The following APBB2 variants were observed in gnomAD, a reference collection of about 807,000 sequenced individuals.
APBB2 encodes the protein Fe65-like 1.
A neutral mutation model predicts 82.5 loss-of-function variants in APBB2; 38 were observed. The ratio of observed to expected loss-of-function variants is 0.46; its 90% CI spans 0.36 to 0.60. The LOEUF (loss-of-function observed/expected upper bound fraction) is 0.60, where lower values mean the gene tolerates loss of function less well. Ranked by LOEUF, APBB2 falls within the 20% of genes least tolerant of loss-of-function variation. APBB2 has a pLI of 0.00. For synonymous variants in APBB2, 341 were observed against 368.2 expected, an observed-to-expected ratio of 0.93 and a Z score of 0.85; for missense variants, 772 against 972.3, an observed-to-expected ratio of 0.79 and a Z score of 2.74.
rs1768110705 is a variant in APBB2 at position 40,880,323 on chromosome 4, TA to T, written c.1529+10040del. The T allele has an allele frequency of 6.1e-6, 6 of 985,456 alleles. No homozygotes were observed. The South Asian group carries it at 2.8e-4, about 46-fold the overall frequency. The allele number at this position is 985,456 out of a possible 1,614,324, so 61.0% of individuals were successfully genotyped here. A position where few individuals can be genotyped will look rare whatever the true frequency, so the allele number is the denominator to read the frequency against. On this transcript the variant is annotated intron_variant, in intron 12 of 17. Transcript: ENST00000508593. The stretch of plus-strand genomic sequence containing the variant: ...TTCCCAGTGACGAACTGTGCTGCAC[TA>T]AATTCATAGTCACTGGACTCCCCAG...
chr4:41,122,263 T>C (rs974775866), intron 2 of APBB2, among the ~76,000 whole-genome samples: 2 of 152,184 alleles, frequency 1.3e-5, no homozygotes, highest in African/African-American at 2.4e-5. Flanking sequence ...ACAATGACAC[T>C]TGAGGACAGT....
chr4:41,048,186 C>T (rs1281353872), intron 4 of APBB2, among the ~76,000 whole-genome samples: 1 of 152,204 alleles, frequency 6.6e-6, no homozygotes, highest in East Asian at 1.9e-4. Flanking sequence ...ATCCAAAAGG[C>T]TCCAATGAGC....
chr4:40,877,583 T>C (rs1046321561), intron 12 of APBB2, among the ~76,000 whole-genome samples: 1 of 152,186 alleles, frequency 6.6e-6, no homozygotes, highest in Non-Finnish European at 1.5e-5. Flanking sequence ...CTTTGAAAAA[T>C]GGCATTAATG....
At chr4:40,955,495 T>G (rs1791372695) in intron 6 of APBB2, among the ~76,000 whole-genome samples, 1 of 152,274 alleles carries the variant, frequency 6.6e-6, no homozygotes, top group East Asian at 1.9e-4. Flanking sequence ...GTTCCCATTC[T>G]TGAAGGGATC....
intron 12 of APBB2, among the ~76,000 whole-genome samples, chr4:40,888,743 C>T (rs142062103): frequency 3.3e-5 from 5 of 151,792 alleles, no homozygotes; most frequent in East Asian, 3.9e-4. Context: ...GCTCCTGCCT[C>T]GCACACATAT....
chr4:40,946,564 G>A (rs562840855), intron 6 of APBB2, among the ~76,000 whole-genome samples: 3 of 152,144 alleles, frequency 2.0e-5, no homozygotes, highest in Admixed American at 6.5e-5. Flanking sequence ...GCCTTGAGTT[G>A]ACTAGGAAAT....
At chr4:41,015,498 A>G (rs1809652677) in intron 5 of APBB2, among the ~76,000 whole-genome samples, 2 of 152,250 alleles carry the variant, frequency 1.3e-5, no homozygotes, top group Admixed American at 6.5e-5. Flanking sequence ...CAGGCAAAAC[A>G]GGGATCTTTG....
At chr4:41,135,296 C>T (rs1472966440) in intron 2 of APBB2, among the ~76,000 whole-genome samples, 3 of 152,134 alleles carry the variant, frequency 2.0e-5, no homozygotes, top group Non-Finnish European at 2.9e-5. Flanking sequence ...ATTCTTTCAT[C>T]CTTAAAGACA....
chr4:40,938,783 C>A (rs752437684), intron 7 of APBB2, among the ~76,000 whole-genome samples: 7 of 152,192 alleles, frequency 4.6e-5, no homozygotes, highest in Non-Finnish European at 1.0e-4. Flanking sequence ...AAAATCATAT[C>A]ATCTCTGTGT....
chr4:41,002,552 G>C (rs890472076), intron 6 of APBB2, among the ~76,000 whole-genome samples: 2 of 152,232 alleles, frequency 1.3e-5, no homozygotes, highest in African/African-American at 4.8e-5. Flanking sequence ...TTGATAGTGG[G>C]AGCAGGGGGC....
intron 12 of APBB2, among the ~76,000 whole-genome samples, chr4:40,876,502 G>A (rs1395194403): frequency 1.3e-5 from 2 of 152,020 alleles, no homozygotes; most frequent in Admixed American, 1.3e-4. Context: ...CACAATTATT[G>A]TGAGATTCAG....
chr4:41,189,893 C>T (rs1773937138), intron 1 of APBB2, among the ~76,000 whole-genome samples: 1 of 152,206 alleles, frequency 6.6e-6, no homozygotes, highest in African/African-American at 2.4e-5. Context: ...GGCCCATTCT[C>T]TTTTGTCTCC....
chr4:41,167,582 T>G (rs1321295942), intron 1 of APBB2, among the ~76,000 whole-genome samples: 1 of 152,216 alleles, frequency 6.6e-6, no homozygotes, highest in Non-Finnish European at 1.5e-5. Context: ...TATGCATATT[T>G]TATTAATCTA....
intron 1 of APBB2, among the ~76,000 whole-genome samples, chr4:41,183,926 G>T (rs1055744751): frequency 1.3e-5 from 2 of 151,938 alleles, no homozygotes; most frequent in African/African-American, 4.8e-5. Flanking sequence ...AATTTATAAT[G>T]AAATAATTAT....
At chr4:41,129,802 T>A (rs940983045) in intron 2 of APBB2, among the ~76,000 whole-genome samples, 3 of 151,324 alleles carry the variant, frequency 2.0e-5, no homozygotes, top group African/African-American at 7.3e-5. Flanking sequence ...TATAAATATA[T>A]TTATATTTAT....
intron 6 of APBB2, among the ~76,000 whole-genome samples, chr4:40,986,367 T>C (rs1800425186): frequency 6.6e-6 from 1 of 152,242 alleles, no homozygotes; most frequent in Non-Finnish European, 1.5e-5. Context: ...TTTTCTATCC[T>C]TCTTCACATG....
At chr4:41,078,511 C>G (rs1372035602) in intron 3 of APBB2, among the ~76,000 whole-genome samples, 1 of 152,278 alleles carries the variant, frequency 6.6e-6, no homozygotes, top group East Asian at 1.9e-4. Context: ...TAATCTGCTC[C>G]TCCTAGCTAA....
At chr4:40,834,523 G>A (rs972789886) in intron 12 of APBB2, among the ~76,000 whole-genome samples, 2 of 146,058 alleles carry the variant, frequency 1.4e-5, no homozygotes, top group African/African-American at 5.1e-5. Flanking sequence ...TTCTGAAAAG[G>A]GCTGCTGCGG....
intron 3 of APBB2, among the ~76,000 whole-genome samples, chr4:41,067,868 G>A (rs952906468): frequency 6.6e-6 from 1 of 152,196 alleles, no homozygotes; most frequent in African/African-American, 2.4e-5. Flanking sequence ...GAAAGGGAAT[G>A]CGTGGCTGCT....
Sources: gnomAD v4.1 joint callset for allele counts (sites outside exome capture counted in the v4.1 genomes callset) on GRCh38, gnomAD v4.1.1 for gene constraint, MANE v1.5 for transcripts, NCBI Gene and HGNC (gene_info 2026-07-23, HGNC 2026-07-21) for gene names.